ZNF277: variants seen among roughly 807,000 people sequenced by gnomAD.
The protein encoded by ZNF277 is zinc finger protein 277.
Under a neutral mutation model 60.7 loss-of-function variants are expected in ZNF277, and 55 were observed. That is an observed-to-expected ratio of 0.91 (90% confidence interval 0.73 to 1.13). The LOEUF is 1.13. Ranked by LOEUF, ZNF277 falls within the 50% of genes most tolerant of loss-of-function variation. The pLI, the probability that ZNF277 is intolerant of heterozygous loss-of-function variation, is 0.00. For missense variants in ZNF277, 510 were observed against 523.0 expected (o/e 0.98, Z 0.24); for synonymous variants, 178 against 179.3 (o/e 0.99, Z 0.06).
chr7:112,272,981 A>G (rs1467858677), intron 1 of ZNF277, among the ~76,000 whole-genome samples: 1 of 152,010 alleles, frequency 6.6e-6, no homozygotes, highest in Non-Finnish European at 1.5e-5. Context: ...TTTGATTTGC[A>G]TTTCTCTGAT....
intron 1 of ZNF277, among the ~76,000 whole-genome samples, chr7:112,209,596 G>T (rs1821682024): frequency 6.6e-6 from 1 of 152,120 alleles, no homozygotes; most frequent in African/African-American, 2.4e-5. Flanking sequence ...GTCAACAGGA[G>T]AAATTAATGG....
chr7:112,232,813 G>T (rs1345505340), intron 1 of ZNF277, among the ~76,000 whole-genome samples: 2 of 152,072 alleles, frequency 1.3e-5, no homozygotes, highest in Non-Finnish European at 2.9e-5. Flanking sequence ...CAGAGTGATG[G>T]CCAGTAATTC....
chr7:112,311,981 A>G (rs1792742678), intron 4 of ZNF277, among the ~76,000 whole-genome samples: 1 of 152,082 alleles, frequency 6.6e-6, no homozygotes, highest in Non-Finnish European at 1.5e-5. Context: ...ACTCCTATTA[A>G]CTACTGGAGG....
At chr7:112,295,739 G>C (rs1262330396) in intron 2 of ZNF277, 130 bp from the exon 3 acceptor site, 1 of 650,046 alleles carries the variant, frequency 1.5e-6, no homozygotes, top group African/African-American at 1.8e-5. Flanking sequence ...AAAACTGCTA[G>C]AAAAGCAGTT....
chr7:112,240,006 T>G (rs1790908624), intron 1 of ZNF277, among the ~76,000 whole-genome samples: 1 of 152,218 alleles, frequency 6.6e-6, no homozygotes, highest in Non-Finnish European at 1.5e-5. Flanking sequence ...TTTGTTAGTG[T>G]GTTTATACAA....
At chr7:112,295,118 C>G (rs17159432) in intron 2 of ZNF277, among the ~76,000 whole-genome samples, 8,955 of 152,202 alleles carry the variant, frequency 0.059, 688 homozygotes, top group African/African-American at 0.18. Flanking sequence ...ATAACACTCT[C>G]TTCTTGGTAC....
chr7:112,316,664 A>G (rs1267529639), intron 4 of ZNF277, among the ~76,000 whole-genome samples: 1 of 151,982 alleles, frequency 6.6e-6, no homozygotes, highest in East Asian at 1.9e-4. Context: ...GGTATTGCCT[A>G]GGTTTTCTTC....
At position 112,236,533 on chromosome 7, in the gene ZNF277, G is replaced by A. The variant is rs529074793; in HGVS notation, c.91+29726G>A. On this transcript the variant is annotated intron_variant, in intron 1 of 11. Coordinates refer to ENST00000361822, the MANE Select transcript of ZNF277 (RefSeq NM_021994.3). ...TCTTATTATAGTTGAACATGTAAGT[G>A]TAGGAGAGAAAAAATGTCCTCATTA... 2.6e-5 allele frequency among the ~76,000 whole-genome samples: 4 copies of A among 152,094 alleles called. No individual in the cohort carries two copies. In the South Asian group the frequency reaches 8.3e-4, roughly 32 times the overall value.
At chr7:112,250,748 G>C (rs1357922882) in intron 1 of ZNF277, among the ~76,000 whole-genome samples, 1 of 152,100 alleles carries the variant, frequency 6.6e-6, no homozygotes, top group African/African-American at 2.4e-5. Context: ...CTCTTGTGGG[G>C]AGAGGTGAAC....
intron 1 of ZNF277, among the ~76,000 whole-genome samples, chr7:112,245,246 A>C (rs1791056720): frequency 6.6e-6 from 1 of 152,160 alleles, no homozygotes; most frequent in Non-Finnish European, 1.5e-5. Context: ...AGACAGTGAC[A>C]GCAGTCAGCA....
chr7:112,251,777 A>G (rs773825222), intron 1 of ZNF277, among the ~76,000 whole-genome samples: 10 of 152,226 alleles, frequency 6.6e-5, no homozygotes, highest in Non-Finnish European at 1.3e-4. Flanking sequence ...GTGCCAAGCA[A>G]AGGGGATGTA....
chr7:112,336,515 T>A (rs1793338179), intron 8 of ZNF277, among the ~76,000 whole-genome samples: 1 of 152,184 alleles, frequency 6.6e-6, no homozygotes, highest in Non-Finnish European at 1.5e-5. Flanking sequence ...GTCATTGGAA[T>A]AGAGAATATA....
chr7:112,280,393 G>A (rs1428337362), intron 1 of ZNF277, among the ~76,000 whole-genome samples: 1 of 152,096 alleles, frequency 6.6e-6, no homozygotes, highest in Non-Finnish European at 1.5e-5. Context: ...CAACTTCCTT[G>A]GAATGGTGTT....
intron 4 of ZNF277, among the ~76,000 whole-genome samples, chr7:112,312,047 G>A (rs1792744029): frequency 6.6e-6 from 1 of 152,080 alleles, no homozygotes; most frequent in African/African-American, 2.4e-5. Context: ...CAGTTATTGT[G>A]CACCCTGTCT....
intron 5 of ZNF277, among the ~76,000 whole-genome samples, chr7:112,325,957 G>C (rs948952650): frequency 6.6e-6 from 1 of 152,104 alleles, no homozygotes; most frequent in East Asian, 1.9e-4. Flanking sequence ...CAGAGTCTTC[G>C]AGACTGGCCA....
chr7:112,291,511 CT>C (rs1363521284), intron 2 of ZNF277, among the ~76,000 whole-genome samples: 2 of 152,152 alleles, frequency 1.3e-5, no homozygotes, highest in Middle Eastern at 3.4e-3. Flanking sequence ...TCTTAGTGGC[CT>C]TTATATATTG....
intron 4 of ZNF277, among the ~76,000 whole-genome samples, chr7:112,305,995 G>C (rs551582697): frequency 6.6e-6 from 1 of 152,086 alleles, no homozygotes; most frequent in Non-Finnish European, 1.5e-5. Context: ...CTAGTACTTT[G>C]TGATACCTTT....
At chr7:112,221,377 A>G (rs1822026179) in intron 1 of ZNF277, among the ~76,000 whole-genome samples, 1 of 152,084 alleles carries the variant, frequency 6.6e-6, no homozygotes, top group Non-Finnish European at 1.5e-5. Flanking sequence ...GCAGCCTGCC[A>G]CCATCTCGGG....
At chr7:112,252,153 A>G (rs1218441045) in intron 1 of ZNF277, among the ~76,000 whole-genome samples, 2 of 152,188 alleles carry the variant, frequency 1.3e-5, no homozygotes, top group Non-Finnish European at 2.9e-5. Flanking sequence ...GCAAAGCCCC[A>G]TTATTTATGT....
Sources: gnomAD v4.1 joint callset for allele counts (sites outside exome capture counted in the v4.1 genomes callset) on GRCh38, gnomAD v4.1.1 for gene constraint, MANE v1.5 for transcripts, NCBI Gene and HGNC (gene_info 2026-07-23, HGNC 2026-07-21) for gene names.